UIMC1: variants seen among roughly 807,000 people sequenced by gnomAD.
The protein encoded by UIMC1 is ubiquitin interaction motif containing 1, also known as BRCA1-A complex subunit RAP80.
A neutral mutation model predicts 84.9 loss-of-function variants in UIMC1; 42 were observed. The observed-to-expected ratio is 0.49, with a 90% CI of 0.39 to 0.64. The LOEUF (loss-of-function observed/expected upper bound fraction) is 0.64. UIMC1 is among the 30% of genes least tolerant of loss of function. The pLI is 0.00. For synonymous variants in UIMC1, 281 were observed against 293.0 expected (o/e 0.96, Z 0.42); for missense variants, 825 against 847.6 (o/e 0.97, Z 0.33).
intron 1 of UIMC1, among the ~76,000 whole-genome samples, chr5:176,993,406 C>G (rs972057865): frequency 6.6e-6 from 1 of 152,042 alleles, no homozygotes; most frequent in Non-Finnish European, 1.5e-5. Context: ...CCAGACTGGT[C>G]TCGAACTCCT....
At chr5:176,917,819 T>C (rs1391748988) in intron 10 of UIMC1, among the ~76,000 whole-genome samples, 1 of 152,002 alleles carries the variant, frequency 6.6e-6, no homozygotes, top group African/African-American at 2.4e-5. Flanking sequence ...ATTAGCTGGG[T>C]ATGGTGGCGC....
At chr5:176,913,707 C>G (rs559437724) in intron 10 of UIMC1, among the ~76,000 whole-genome samples, 1 of 152,152 alleles carries the variant, frequency 6.6e-6, no homozygotes, top group Non-Finnish European at 1.5e-5. Flanking sequence ...CTGGGTGCAG[C>G]GGCTCACGCC....
chr5:177,003,766 C>T (rs997511066), intron 1 of UIMC1, among the ~76,000 whole-genome samples: 1 of 152,138 alleles, frequency 6.6e-6, no homozygotes, highest in Non-Finnish European at 1.5e-5. Flanking sequence ...ACTGGAGAAG[C>T]GTAATGCACT....
intron 10 of UIMC1, among the ~76,000 whole-genome samples, chr5:176,938,303 G>C (rs532793188): frequency 6.0e-5 from 9 of 149,824 alleles, no homozygotes; most frequent in Non-Finnish European, 1.2e-4. Context: ...CCTGGCCTCT[G>C]TCTCCAGTCA....
intron 1 of UIMC1, chr5:177,001,383 A>C (rs988031840): frequency 1.3e-5 from 2 of 152,196 alleles, no homozygotes; most frequent in Non-Finnish European, 2.9e-5. Flanking sequence ...TAACTAGTGA[A>C]AGAAATCAAA....
chr5:176,969,682 C>T lies in UIMC1; in HGVS notation c.382G>A (p.Ala128Thr), dbSNP rs188900571. ...GTGGCCAGAGGTCGAGATCTGGTAG[C>T]GGAAGCATCAGAAGGCCGGCAACTC... ...LNSCRPSDASATRSRPLATGP... is the reference protein window; with the variant it reads ...LNSCRPSDASTTRSRPLATGP... The change falls in exon 5 of 15, where the codon GCT becomes ACT. Residue 128 changes from alanine to threonine, a missense_variant. By Grantham distance (58) the Ala-to-Thr change is moderately conservative (BLOSUM62 0). Transcript: ENST00000511320. 63 of 1,613,982 alleles carry T rather than the reference C, an allele frequency of 3.9e-5. No homozygotes were observed. In the East Asian group the frequency reaches 8.9e-4, roughly 23 times the overall value.
chr5:177,008,948 G>A (rs1775485997), upstream of UIMC1, among the ~76,000 whole-genome samples: 1 of 151,902 alleles, frequency 6.6e-6, no homozygotes, highest in African/African-American at 2.4e-5. Context: ...GAGACCTTAA[G>A]CCAAAGACCT....
intron 1 of UIMC1, among the ~76,000 whole-genome samples, chr5:176,994,169 A>G (rs980476280): frequency 1.3e-5 from 2 of 152,076 alleles, no homozygotes; most frequent in Admixed American, 6.6e-5. Context: ...TCCAAAAATT[A>G]CACTCCAGCC....
chr5:176,966,831 AT>A (rs1273137556), intron 6 of UIMC1, among the ~76,000 whole-genome samples: 12 of 151,930 alleles, frequency 7.9e-5, no homozygotes, highest in African/African-American at 2.7e-4. Flanking sequence ...TTTCTCTACT[AT>A]ATAAAGTGTA....
At chr5:176,910,843 C>T (rs895076417) in intron 11 of UIMC1, among the ~76,000 whole-genome samples, 1 of 152,114 alleles carries the variant, frequency 6.6e-6, no homozygotes, top group African/African-American at 2.4e-5. Context: ...GTAATCCCAG[C>T]ACTTTGGGAG....
At chr5:176,934,379 C>A (rs183486158) in intron 10 of UIMC1, among the ~76,000 whole-genome samples, 1 of 152,146 alleles carries the variant, frequency 6.6e-6, no homozygotes, top group Non-Finnish European at 1.5e-5. Flanking sequence ...TCAAAGGAGT[C>A]AGAGTAAGCA....
At chr5:176,997,300 T>C (rs554074317) in intron 1 of UIMC1, among the ~76,000 whole-genome samples, 1 of 152,236 alleles carries the variant, frequency 6.6e-6, no homozygotes, top group Admixed American at 6.5e-5. Flanking sequence ...GACTCATAAC[T>C]GGGTTCCTTA....
chr5:176,987,387 T>C (rs995725402), intron 1 of UIMC1, among the ~76,000 whole-genome samples: 3 of 152,128 alleles, frequency 2.0e-5, no homozygotes, highest in African/African-American at 4.8e-5. Flanking sequence ...GGCTCATGTT[T>C]ATAATCCCAG....
In UIMC1 at chr5:176,905,297, T is replaced by A. The variant is rs375613274; in HGVS notation, c.2145A>T (p.Arg715Ser). 22 of 1,613,894 alleles carry A rather than the reference T, an allele frequency of 1.4e-5. No homozygotes were observed. The highest frequency in any genetic ancestry group is 1.9e-5 in the Non-Finnish European group (22 of 1,179,902). Residue 715 changes from arginine (R) to serine (S), a missense_variant, in exon 15 of 15, where the codon AGA becomes AGT. Coordinates refer to ENST00000511320, the MANE Select transcript of UIMC1 (RefSeq NM_001199298.2). Reference protein sequence around the residue: ...SRTRTKAGRGRRRKF With the variant: ...SRTRTKAGRGSRRKF ...CCCTAGAAATTCAGAATTTTCTCCTTCTTCCTCTGCCAGCTTTGGTCCGTG... is the reference window on the plus strand; with the variant it reads ...CCCTAGAAATTCAGAATTTTCTCCTACTTCCTCTGCCAGCTTTGGTCCGTG...
intron 2 of UIMC1, 30 bp downstream of exon 2, chr5:176,982,439 A>G: frequency 1.9e-6 from 3 of 1,598,800 alleles, no homozygotes; most frequent in Non-Finnish European, 2.6e-6. Flanking sequence ...TGAGAGCTAC[A>G]GCTCTACTTT....
At chr5:176,945,479 T>C (rs1229192245) in intron 9 of UIMC1, among the ~76,000 whole-genome samples, 2 of 152,194 alleles carry the variant, frequency 1.3e-5, no homozygotes, top group African/African-American at 4.8e-5. Flanking sequence ...GTAAAGACAA[T>C]GCCAGGTTGG....
rs575943788 is a variant in UIMC1, at chr5:176,998,261, C to G, written c.-9+8389G>C. Among the ~76,000 whole-genome samples the G allele has an allele frequency of 1.9e-4, 29 of 151,924 alleles. No individual in the cohort carries two copies. In the East Asian group the frequency reaches 5.4e-3, roughly 28 times the overall value. ...GGCAGATCATCTGAGGTCAGGAGTT[C>G]GAGACCACCCTGGCCAACGTGGTGA... On this transcript the variant is annotated intron_variant, in intron 1 of 14. Coordinates refer to ENST00000511320, the MANE Select transcript of UIMC1 (RefSeq NM_001199298.2).
chr5:177,004,879 G>A (rs1775042160), intron 1 of UIMC1, among the ~76,000 whole-genome samples: 1 of 152,038 alleles, frequency 6.6e-6, no homozygotes, highest in South Asian at 2.1e-4. Flanking sequence ...ATAAATGATT[G>A]ACTTTTACCC....
At chr5:176,976,953 T>C (rs1238805727) in intron 2 of UIMC1, among the ~76,000 whole-genome samples, 1 of 152,196 alleles carries the variant, frequency 6.6e-6, no homozygotes, top group Non-Finnish European at 1.5e-5. Context: ...CCAGGCGCAG[T>C]GGCTCACGCC....
Sources: allele counts gnomAD v4.1 joint callset (sites outside exome capture counted in the v4.1 genomes callset), GRCh38; gene constraint gnomAD v4.1.1; transcripts MANE v1.5; gene names NCBI Gene and HGNC (gene_info 2026-07-23, HGNC 2026-07-21).